The following NTF3 variants were observed in gnomAD, a reference collection of about 807,000 sequenced individuals.
NTF3 encodes the protein neurotrophin-3.
NTF3 carries 8 observed loss-of-function variants against 26.3 expected under a neutral mutation model. The observed-to-expected ratio is 0.30, with a 90% CI of 0.18 to 0.55. The LOEUF is 0.55. Ranked by LOEUF, NTF3 falls within the 20% of genes least tolerant of loss-of-function variation. The pLI is 0.93. For missense variants in NTF3, 276 were observed against 352.9 expected, an observed-to-expected ratio of 0.78 and a Z score of 1.75; for synonymous variants, 154 against 145.5, an observed-to-expected ratio of 1.06 and a Z score of -0.42.
chr12:5,485,221 T>C (rs556862292), intron 1 of NTF3, among the ~76,000 whole-genome samples: 1 of 152,186 alleles, frequency 6.6e-6, no homozygotes, highest in Non-Finnish European at 1.5e-5. Flanking sequence ...AATTTCCCCT[T>C]TATGTTTCAG....
At chr12:5,473,201 C>A (rs1348751420) in intron 1 of NTF3, among the ~76,000 whole-genome samples, 1 of 152,246 alleles carries the variant, frequency 6.6e-6, no homozygotes, top group Non-Finnish European at 1.5e-5. Flanking sequence ...CCCAGCCCTC[C>A]TCAGATCCTT....
chr12:5,455,583 CAT>C (rs1484184691), intron 1 of NTF3, among the ~76,000 whole-genome samples: 3,567 of 54,410 alleles, frequency 0.066, 237 homozygotes, highest in African/African-American at 0.14. Flanking sequence ...CACACACACA[CAT>C]AGCCCCTGTG....
intron 1 of NTF3, among the ~76,000 whole-genome samples, chr12:5,491,370 C>G (rs1274919054): frequency 6.6e-6 from 1 of 152,166 alleles, no homozygotes; most frequent in Non-Finnish European, 1.5e-5. Context: ...GAAACACTCA[C>G]CAGCCTGCAG....
intron 1 of NTF3, among the ~76,000 whole-genome samples, chr12:5,452,405 C>T (rs1464040562): frequency 6.6e-6 from 1 of 152,142 alleles, no homozygotes; most frequent in African/African-American, 2.4e-5. Context: ...CTCTCCATGT[C>T]TTTAATTATT....
chr12:5,460,959 CT>C (rs1370101454), intron 1 of NTF3, among the ~76,000 whole-genome samples: 1 of 152,122 alleles, frequency 6.6e-6, no homozygotes, highest in Non-Finnish European at 1.5e-5. Context: ...GTTAGCAGTT[CT>C]TTTCCTCCTG....
chr12:5,457,934 A>C (rs902141768), intron 1 of NTF3, among the ~76,000 whole-genome samples: 1 of 152,142 alleles, frequency 6.6e-6, no homozygotes, highest in African/African-American at 2.4e-5. Flanking sequence ...GAGTTTGTCC[A>C]GATCTCCTCG....
At chr12:5,450,835 A>G (rs1013294788) in intron 1 of NTF3, among the ~76,000 whole-genome samples, 1 of 152,208 alleles carries the variant, frequency 6.6e-6, no homozygotes, top group African/African-American at 2.4e-5. Context: ...TGTTAATTCT[A>G]TGAGGACAGG....
At chr12:5,491,140 T>G (rs1940931411) in intron 1 of NTF3, among the ~76,000 whole-genome samples, 1 of 152,192 alleles carries the variant, frequency 6.6e-6, no homozygotes, top group Non-Finnish European at 1.5e-5. Flanking sequence ...AGTCTGACCT[T>G]AGACAGCTCA....
intron 1 of NTF3, among the ~76,000 whole-genome samples, chr12:5,435,406 G>A (rs558478885): frequency 2.6e-5 from 4 of 152,160 alleles, no homozygotes; most frequent in Non-Finnish European, 4.4e-5. Context: ...CGCTTGTTGA[G>A]GTTTCTTCAA....
At chr12:5,448,846 T>C (rs1940337023) in intron 1 of NTF3, among the ~76,000 whole-genome samples, 1 of 152,204 alleles carries the variant, frequency 6.6e-6, no homozygotes, top group Non-Finnish European at 1.5e-5. Flanking sequence ...TTCATTTATC[T>C]AATGTGAAAA....
chr12:5,466,997 C>T (rs1229926110), intron 1 of NTF3, among the ~76,000 whole-genome samples: 2 of 151,978 alleles, frequency 1.3e-5, no homozygotes. Context: ...CTTGGGAGGC[C>T]AGGGCGGTTG....
chr12:5,446,523 G>A (rs941584164), intron 1 of NTF3, among the ~76,000 whole-genome samples: 6 of 152,132 alleles, frequency 3.9e-5, no homozygotes, highest in Non-Finnish European at 7.4e-5. Context: ...TAACCAACAG[G>A]CCTTTATATT....
chr12:5,449,463 G>T (rs1342460855), intron 1 of NTF3, among the ~76,000 whole-genome samples: 1 of 152,138 alleles, frequency 6.6e-6, no homozygotes, highest in Non-Finnish European at 1.5e-5. Context: ...CGTTTTGCAG[G>T]TTGTAGTGCT....
chr12:5,471,579 C>G (rs960571260), intron 1 of NTF3, among the ~76,000 whole-genome samples: 1 of 152,140 alleles, frequency 6.6e-6, no homozygotes, highest in Non-Finnish European at 1.5e-5. Context: ...GCATCTCTTT[C>G]TGTGTCTGTG....
chr12:5,438,157 CAAAA>C (rs796739638), intron 1 of NTF3, among the ~76,000 whole-genome samples: 1 of 101,638 alleles, frequency 9.8e-6, no homozygotes, highest in Non-Finnish European at 2.1e-5. Context: ...TGAGGCTGGA[CAAAA>C]AAAAAAAAAG....
intron 1 of NTF3, among the ~76,000 whole-genome samples, chr12:5,493,392 T>C (rs1321379026): frequency 5.3e-5 from 8 of 152,224 alleles, no homozygotes; most frequent in South Asian, 4.1e-4. Context: ...GAATCAACAA[T>C]GACTCTTCTA....
intron 1 of NTF3, among the ~76,000 whole-genome samples, chr12:5,479,567 C>T (rs779252355): frequency 1.3e-5 from 2 of 152,158 alleles, no homozygotes; most frequent in Non-Finnish European, 2.9e-5. Flanking sequence ...GATCAGGAGT[C>T]GGGAAGCAGG....
chr12:5,494,343 T>G lies in NTF3; in HGVS notation c.168T>G (p.Ile56Met). The G allele has an allele frequency of 6.2e-7, 1 of 1,613,922 alleles. No homozygotes were observed. Among genetic ancestry groups the G allele is most frequent in the Non-Finnish European group, 8.5e-7 (1 of 1,179,976 alleles). ...SLIIKLIQADILKNKLSKQMV... is the reference protein window; with the variant it reads ...SLIIKLIQADMLKNKLSKQMV... ...TTATTAAGCTGATCCAGGCAGATAT[T>G]TTGAAAAACAAGCTCTCCAAGCAGA... The change falls in exon 2 of 2, where the codon ATT (isoleucine) becomes ATG (methionine). Residue 56 changes from isoleucine (I) to methionine (M), a missense_variant. By Grantham distance (10) the Ile-to-Met change is conservative. Transcript: ENST00000423158. The surrounding 1 kb of genome is among the most constrained non-coding windows in gnomAD (Gnocchi z 8.3).
At chr12:5,460,342 C>A (rs1412309842) in intron 1 of NTF3, among the ~76,000 whole-genome samples, 2 of 152,176 alleles carry the variant, frequency 1.3e-5, no homozygotes, top group African/African-American at 2.4e-5. Context: ...TCCACCTGCC[C>A]ATCCCTCCTC....
Sources: gnomAD v4.1 joint callset for allele counts (sites outside exome capture counted in the v4.1 genomes callset) on GRCh38, gnomAD v4.1.1 for gene constraint, Gnocchi (gnomAD v3.1) non-coding constraint, MANE v1.5 for transcripts, NCBI Gene and HGNC (gene_info 2026-07-23, HGNC 2026-07-21) for gene names.